Variants in PEX2 observed in about 807,000 individuals in gnomAD.
PEX2 encodes the protein peroxisomal biogenesis factor 2.
PEX2 carries 19 observed loss-of-function variants against 25.2 expected under a neutral mutation model. That is an observed-to-expected ratio of 0.75 (90% confidence interval 0.53 to 1.10). PEX2 has a LOEUF of 1.10. Ranked by LOEUF, PEX2 falls within the 50% of genes least tolerant of loss-of-function variation. The pLI, the probability that PEX2 is intolerant of heterozygous loss-of-function variation, is 0.00. For synonymous variants in PEX2, 141 were observed against 127.7 expected, an observed-to-expected ratio of 1.10 and a Z score of -0.70; for missense variants, 347 against 350.6, an observed-to-expected ratio of 0.99 and a Z score of 0.08.
At position 76,984,125 on chromosome 8, in the gene PEX2, G is replaced by T. The variant is rs545785018; in HGVS notation, c.54C>A (p.Ser18Arg). The change falls in exon 4 of 4, where the codon AGC (serine) becomes AGA (arginine). Residue 18 changes from serine to arginine, a missense_variant. Coordinates refer to ENST00000357039, the MANE Select transcript of PEX2 (RefSeq NM_000318.3). The stretch of plus-strand genomic sequence containing the variant: ...TGTTTAGTTCAAGTGCATCCAACTG[G>T]CTTATTCTTAGCACTCTGTTTGCAC... ...AKSANRVLRI[S>R]QLDALELNKA... is the part of the protein sequence containing the mutation. 6.2e-7 allele frequency: 1 copy of T among 1,613,902 alleles called. No homozygotes were observed. Among genetic ancestry groups the T allele is most frequent in the East Asian group, 2.2e-5 (1 of 44,878 alleles).
At chr8:76,988,560 G>C (rs1807070120) in intron 1 of PEX2, among the ~76,000 whole-genome samples, 1 of 152,162 alleles carries the variant, frequency 6.6e-6, no homozygotes, top group Admixed American at 6.6e-5. Context: ...GATAGTGGAG[G>C]GTCCTGCCTT....
chr8:76,995,186 CCATA>C (rs1807286665), intron 1 of PEX2, among the ~76,000 whole-genome samples: 1 of 152,200 alleles, frequency 6.6e-6, no homozygotes, highest in South Asian at 2.1e-4. Flanking sequence ...CTCTCTTTCA[CCATA>C]CATAAACTAA....
chr8:76,998,830 A>C (rs1043431770), intron 1 of PEX2, among the ~76,000 whole-genome samples: 1 of 152,186 alleles, frequency 6.6e-6, no homozygotes, highest in Non-Finnish European at 1.5e-5. Context: ...AAAAATAAGG[A>C]GAATACGGCC....
chr8:76,994,837 C>T (rs1388352334), intron 1 of PEX2, among the ~76,000 whole-genome samples: 1 of 152,144 alleles, frequency 6.6e-6, no homozygotes, highest in Non-Finnish European at 1.5e-5. Flanking sequence ...GTTAAACTAG[C>T]ATTTCATATT....
At position 76,999,928 on chromosome 8, in the gene PEX2, G is replaced by C. The variant is rs769903815; in HGVS notation, c.-160+62C>G. On this transcript the variant is annotated intron_variant, in intron 1 of 3. Coordinates refer to ENST00000357039, the MANE Select transcript of PEX2 (RefSeq NM_000318.3). The stretch of plus-strand genomic sequence containing the variant: ...CAATTACAAGGTCGTGAAACTCCAC[G>C]ACCTCCCAGCTGAAAACAAGACCTC... 1 of 456,502 alleles carries C rather than the reference G, an allele frequency of 2.2e-6. No individual in the cohort carries two copies. 28.3% of individuals were successfully genotyped at this position (456,502 alleles called of 1,614,324 possible).
At position 76,983,007 on chromosome 8, in the gene PEX2, CA is replaced by C; in HGVS notation, c.*253del. 9.9e-7 allele frequency: 1 copy of C among 1,013,342 alleles called. No individual in the cohort carries two copies. The highest frequency in any genetic ancestry group is 1.3e-6 in the Non-Finnish European group (1 of 748,584). 62.8% of individuals were successfully genotyped at this position (1,013,342 alleles called of 1,614,324 possible). On this transcript the variant is annotated 3_prime_UTR_variant, in exon 4 of 4. Coordinates refer to ENST00000357039, the MANE Select transcript of PEX2 (RefSeq NM_000318.3). ...AGGAGCATTGTTAGTAGTCACCTGA[CA>C]AAAGCTGTCCATTATTCTTGACATT...
intron 1 of PEX2, among the ~76,000 whole-genome samples, chr8:76,994,424 T>C (rs950997070): frequency 6.6e-6 from 1 of 152,194 alleles, no homozygotes; most frequent in Non-Finnish European, 1.5e-5. Flanking sequence ...GTCAAGGGCC[T>C]GTCAATATTA....
At position 76,981,166 on chromosome 8, in the gene PEX2, A is replaced by C. The variant is rs1806812911; in HGVS notation, c.*2095T>G. The C allele has an allele frequency of 6.6e-6, 1 of 152,368 alleles. No individual in the cohort carries two copies. The highest frequency in any genetic ancestry group is 2.1e-4 in the South Asian group (1 of 4,826). The allele number at this position is 152,368 out of a possible 1,614,324, so 9.4% of individuals were successfully genotyped here. A position where few individuals can be genotyped will look rare whatever the true frequency, so the allele number is the denominator to read the frequency against. On this transcript the variant is annotated 3_prime_UTR_variant, in exon 4 of 4. Transcript: ENST00000357039. ...GGAATAGGAATATGATGGCATATAC[A>C]TAGCATTTTAAAAATATATTATGGC...
rs1806858841 is a variant in PEX2 at position 76,982,461 on chromosome 8, G to C, written c.*800C>G. On this transcript the variant is annotated 3_prime_UTR_variant, in exon 4 of 4. Coordinates refer to ENST00000357039, the MANE Select transcript of PEX2 (RefSeq NM_000318.3). ...TGAATATAAAGCCAACTGTGGAGGGGTCAGACAGCTGAGGACTGAACTTCT... is the reference window on the plus strand; with the variant it reads ...TGAATATAAAGCCAACTGTGGAGGGCTCAGACAGCTGAGGACTGAACTTCT... 6.6e-6 allele frequency: 1 copy of C among 152,198 alleles called. No individual in the cohort carries two copies. Among genetic ancestry groups the C allele is most frequent in the Non-Finnish European group, 1.5e-5 (1 of 68,050 alleles). The allele number at this position is 152,198 out of a possible 1,614,324, so 9.4% of individuals were successfully genotyped here.
intron 2 of PEX2, chr8:76,987,942 T>C (rs1349816804): frequency 6.6e-6 from 1 of 152,208 alleles, no homozygotes; most frequent in Non-Finnish European, 1.5e-5. Context: ...TAGGCAGTTA[T>C]GTAAATATGA....
At chr8:76,999,680 A>T in intron 1 of PEX2, 1 of 366,142 alleles carries the variant, frequency 2.7e-6, no homozygotes, top group Non-Finnish European at 5.4e-6. Flanking sequence ...ACGACCGCCA[A>T]ATGAGAGAAA....
In PEX2 at chr8:76,982,375, T is replaced by C. The variant is rs1806856255; in HGVS notation, c.*886A>G. ...GACCTGTAAATAGTGCTGTTCATAC[T>C]AGTTGCCCCCAGTAGTTCCCAGGCC... On this transcript the variant is annotated 3_prime_UTR_variant, in exon 4 of 4. Coordinates refer to ENST00000357039, the MANE Select transcript of PEX2 (RefSeq NM_000318.3). The C allele has an allele frequency of 6.6e-6, 1 of 152,230 alleles. No individual in the cohort carries two copies. The highest frequency in any genetic ancestry group is 1.5e-5 in the Non-Finnish European group (1 of 68,048). The allele number at this position is 152,230 out of a possible 1,614,324, so 9.4% of individuals were successfully genotyped here. A position where few individuals can be genotyped will look rare whatever the true frequency, so the allele number is the denominator to read the frequency against.
intron 1 of PEX2, among the ~76,000 whole-genome samples, chr8:76,993,175 C>T (rs1563611266): frequency 6.6e-6 from 1 of 152,018 alleles, no homozygotes; most frequent in African/African-American, 2.4e-5. Context: ...GTAAAAAGAA[C>T]CTGTGTTAAG....
At chr8:76,990,454 C>G (rs2132052975) in intron 1 of PEX2, among the ~76,000 whole-genome samples, 1 of 152,280 alleles carries the variant, frequency 6.6e-6, no homozygotes, top group Non-Finnish European at 1.5e-5. Flanking sequence ...GTGTTGGCTT[C>G]TGACATGGCT....
chr8:76,995,128 C>T (rs930760616), intron 1 of PEX2, among the ~76,000 whole-genome samples: 12 of 152,306 alleles, frequency 7.9e-5, no homozygotes, highest in East Asian at 1.9e-4. Context: ...GTTCAAATCC[C>T]GCTTCTGTCA....
At chr8:76,984,594 G>T (rs1266289870) in intron 3 of PEX2, among the ~76,000 whole-genome samples, 1 of 152,148 alleles carries the variant, frequency 6.6e-6, no homozygotes, top group African/African-American at 2.4e-5. Context: ...CTAATGAAGA[G>T]ATACAGGAAG....
rs548723275 is a variant in PEX2, at chr8:76,997,412, T to C, written c.-160+2578A>G. Reference sequence around the variant, plus strand: ...GGTGAAACCCTGTCTCTACTAAAAATACAAAAATTAGCCAAGTGTGGTGGT... The same window carrying C: ...GGTGAAACCCTGTCTCTACTAAAAACACAAAAATTAGCCAAGTGTGGTGGT... On this transcript the variant is annotated intron_variant, in intron 1 of 3. Transcript: ENST00000357039. Among the ~76,000 whole-genome samples, 290 of 152,178 alleles carry C rather than the reference T, an allele frequency of 1.9e-3. 2 individuals carry two copies. In the South Asian group the frequency reaches 0.019, roughly 10 times the overall value.
chr8:77,001,043 C>T (rs1015063062), upstream of PEX2: 7 of 152,152 alleles, frequency 4.6e-5, no homozygotes, highest in Admixed American at 1.3e-4. Flanking sequence ...GTTCTTACCT[C>T]CAGTCTCGAC....
At chr8:76,995,300 A>G (rs1422689802) in intron 1 of PEX2, among the ~76,000 whole-genome samples, 1 of 152,238 alleles carries the variant, frequency 6.6e-6, no homozygotes, top group African/African-American at 2.4e-5. Context: ...TATGTCCAAC[A>G]GACCTCTAAA....
Sources: allele counts gnomAD v4.1 joint callset (sites outside exome capture counted in the v4.1 genomes callset), GRCh38; gene constraint gnomAD v4.1.1; transcripts MANE v1.5; gene names NCBI Gene and HGNC (gene_info 2026-07-23, HGNC 2026-07-21).